Variants in RPS6KA1 observed in about 807,000 individuals in gnomAD.
RPS6KA1 encodes ribosomal protein S6 kinase A1.
In RPS6KA1, 48 loss-of-function variants were observed where a neutral mutation model predicts 91.3. The ratio of observed to expected loss-of-function variants is 0.53; its 90% CI spans 0.42 to 0.67. The LOEUF is 0.67. Ranked by LOEUF, RPS6KA1 falls within the 30% of genes least tolerant of loss-of-function variation. RPS6KA1 has a pLI of 0.00. For synonymous variants in RPS6KA1, 359 were observed against 384.7 expected (o/e 0.93, Z 0.78); for missense variants, 719 against 960.5 (o/e 0.75, Z 3.32).
At position 26,554,744 on chromosome 1, in the gene RPS6KA1, T is replaced by A; in HGVS notation, c.756+6T>A. 1.3e-6 allele frequency: 2 copies of A among 1,594,264 alleles called. No homozygotes were observed. The highest frequency in any genetic ancestry group is 8.6e-7 in the Non-Finnish European group (1 of 1,165,008). ...GGTCCTATGGGGTGTTGATGGTGAG[T>A]GCCCAGACAGGGGTAAAGGATCCAG... On this transcript the variant is annotated splice_donor_region_variant and intron_variant, in intron 9 of 21. Coordinates refer to ENST00000374168, the MANE Select transcript of RPS6KA1 (RefSeq NM_002953.4). The surrounding 1 kb of genome is among the most constrained non-coding windows in gnomAD (Gnocchi z 4.6).
At position 26,555,145 on chromosome 1, in the gene RPS6KA1, C is replaced by T; in HGVS notation, c.757-6C>T. The T allele has an allele frequency of 1.2e-6, 2 of 1,613,966 alleles. No homozygotes were observed. The highest frequency in any genetic ancestry group is 8.5e-7 in the Non-Finnish European group (1 of 1,179,852). ...CAGAGCCTGAATAGATCCTTGTCCT[C>T]TGCAGTTTGAGATGCTGACGGGCTC... On this transcript the variant is annotated splice_polypyrimidine_tract_variant and splice_region_variant and intron_variant, in intron 9 of 21. Coordinates refer to ENST00000374168, the MANE Select transcript of RPS6KA1 (RefSeq NM_002953.4). The surrounding 1 kb of genome is among the most constrained non-coding windows in gnomAD (Gnocchi z 4.3).
rs1204803135 is a variant in RPS6KA1 at position 26,540,894 on chromosome 1, G to A, written c.108+3925G>A. ...CAACCTCCGCCTCCTAGGTTCAAGCGATTCTCCTGCCTCAGCCTCCGTAGT... is the reference window on the plus strand; with the variant it reads ...CAACCTCCGCCTCCTAGGTTCAAGCAATTCTCCTGCCTCAGCCTCCGTAGT... On this transcript the variant is annotated intron_variant, in intron 2 of 21. Transcript: ENST00000374168. This position sits in a 1 kb window ranked among gnomAD's most constrained non-coding sequence, Gnocchi z 4.2. Among the ~76,000 whole-genome samples the A allele has an allele frequency of 5.9e-5, 9 of 152,272 alleles. No homozygotes were observed. The East Asian group carries it at 1.6e-3, about 26-fold the overall frequency.
At chr1:26,545,797 C>A in intron 2 of RPS6KA1, 1 of 1,395,390 alleles carries the variant, frequency 7.2e-7, no homozygotes. Context: ...GGGCCAGGCC[C>A]AGCCCCCGCC....
intron 21 of RPS6KA1, among the ~76,000 whole-genome samples, chr1:26,573,866 G>A (rs571511464): frequency 1.3e-5 from 2 of 152,012 alleles, no homozygotes; most frequent in South Asian, 4.2e-4. Flanking sequence ...TGAACCCTGG[G>A]GGCAGAGGTT....
Position 26,571,504 on chromosome 1 carries a change from A to T in RPS6KA1, c.1646A>T (p.Asn549Ile). 1 of 1,614,210 alleles carries T rather than the reference A, an allele frequency of 6.2e-7. No individual in the cohort carries two copies. Among genetic ancestry groups the T allele is most frequent in the South Asian group, 1.1e-5 (1 of 91,082 alleles). The change falls in exon 18 of 22, where the codon AAT (asparagine) becomes ATT (isoleucine). Residue 549 changes from asparagine (N) to isoleucine (I), a missense_variant. Transcript: ENST00000374168. The surrounding 1 kb of genome is among the most constrained non-coding windows in gnomAD (Gnocchi z 5.1). The stretch of plus-strand genomic sequence containing the variant: ...ATCCTGTATGTGGACGAGTCCGGGA[A>T]TCCCGAGTGCCTGCGCATCTGTGAC... ...SNILYVDESGNPECLRICDFG... is the reference protein window; with the variant it reads ...SNILYVDESGIPECLRICDFG...
intron 6 of RPS6KA1, chr1:26,552,756 G>T (rs1185448161): frequency 6.8e-6 from 2 of 295,392 alleles, no homozygotes; most frequent in Non-Finnish European, 1.4e-5. Flanking sequence ...CAAACTGCTG[G>T]CTGGGATTAT....
chr1:26,556,668 G>A lies in RPS6KA1; in HGVS notation c.931G>A (p.Gly311Arg). Residue 311 changes from glycine (G) to arginine (R), a missense_variant, in exon 12 of 22, where the codon GGG becomes AGG. Around this residue, in one of 5 missense-constraint regions of RPS6KA1, gnomAD observed 228 missense variants for 247.6 expected, o/e 0.92. Coordinates refer to ENST00000374168, the MANE Select transcript of RPS6KA1 (RefSeq NM_002953.4). ...PANRLGSGPD[G>R]AEEIKRHVFY... is the part of the protein sequence containing the mutation. Reference sequence around the variant, plus strand: ...GGCTCTTTCAGGCTCCGGCCCTGATGGGGCAGAGGAAATCAAGCGGCATGT... The same window carrying A: ...GGCTCTTTCAGGCTCCGGCCCTGATAGGGCAGAGGAAATCAAGCGGCATGT... The A allele has an allele frequency of 6.2e-7, 1 of 1,614,194 alleles. No homozygotes were observed. The highest frequency in any genetic ancestry group is 8.5e-7 in the Non-Finnish European group (1 of 1,180,016).
chr1:26,551,358 T>G lies in RPS6KA1; in HGVS notation c.308-39T>G. The stretch of plus-strand genomic sequence containing the variant: ...GGGGCTTGGGAGTGGCTGTGTTGAG[T>G]GTCTAGGCTACTGGTGACTTCCTTT... On this transcript the variant is annotated intron_variant, in intron 4 of 21. Transcript: ENST00000374168. This position sits in a 1 kb window ranked among gnomAD's most constrained non-coding sequence, Gnocchi z 4.5. 1.3e-6 allele frequency: 2 copies of G among 1,581,346 alleles called. No individual in the cohort carries two copies.
At chr1:26,552,817 G>A (rs1342000481) in intron 6 of RPS6KA1, 3 of 411,868 alleles carry the variant, frequency 7.3e-6, no homozygotes, top group Non-Finnish European at 1.5e-5. Context: ...TGTTTGAATA[G>A]GTAATATACA....
At chr1:26,565,527 C>G (rs1175219830) in intron 17 of RPS6KA1, among the ~76,000 whole-genome samples, 2 of 142,330 alleles carry the variant, frequency 1.4e-5, no homozygotes, top group Non-Finnish European at 3.0e-5. Context: ...TTATTTTGCC[C>G]GTTTTTGAAT....
At chr1:26,538,672 G>C (rs559816563) in intron 2 of RPS6KA1, among the ~76,000 whole-genome samples, 7 of 152,308 alleles carry the variant, frequency 4.6e-5, no homozygotes, top group Admixed American at 3.3e-4. Flanking sequence ...GAAAATTGAG[G>C]TTCAACATCA....
intron 17 of RPS6KA1, among the ~76,000 whole-genome samples, chr1:26,562,061 G>A (rs1020748383): frequency 3.9e-5 from 6 of 152,018 alleles, no homozygotes; most frequent in African/African-American, 1.4e-4. Context: ...AAAATTAGCC[G>A]GGTGTGGTGG....
intron 2 of RPS6KA1, among the ~76,000 whole-genome samples, chr1:26,538,724 A>G (rs576524733): frequency 6.6e-6 from 1 of 152,314 alleles, no homozygotes; most frequent in South Asian, 2.1e-4. Flanking sequence ...TTTGGCTTCA[A>G]GGTCATTCCT....
chr1:26,543,550 G>A (rs904487930), intron 2 of RPS6KA1, among the ~76,000 whole-genome samples: 2 of 152,204 alleles, frequency 1.3e-5, no homozygotes, highest in Non-Finnish European at 1.5e-5. Context: ...TCCTCCATCT[G>A]TCAGGAAGGG....
In RPS6KA1 at chr1:26,551,407, C is replaced by T. The variant is rs544357007; in HGVS notation, c.318C>T (p.Arg106=). 18 of 1,614,088 alleles carry T rather than the reference C, an allele frequency of 1.1e-5. No homozygotes were observed. Among genetic ancestry groups the T allele is most frequent in the Middle Eastern group, 1.6e-4 (1 of 6,062 alleles). The change falls in exon 5 of 22, where the codon CGC becomes CGT. Residue 106 remains arginine, a synonymous_variant. Transcript: ENST00000374168. The surrounding 1 kb of genome is among the most constrained non-coding windows in gnomAD (Gnocchi z 4.5). ...TTCTCGTCTGGCCAGTACGTGACCG[C>T]GTCCGGACCAAGATGGAGAGAGACA... The part of the protein sequence containing the change: ...LKKATLKVRD[R]VRTKMERDIL...
At chr1:26,567,812 C>T (rs1056583790) in intron 17 of RPS6KA1, among the ~76,000 whole-genome samples, 1 of 152,186 alleles carries the variant, frequency 6.6e-6, no homozygotes, top group Admixed American at 6.5e-5. Context: ...TATTCCTGTC[C>T]TTCTCTATAA....
intron 2 of RPS6KA1, among the ~76,000 whole-genome samples, chr1:26,539,745 T>A (rs1443355301): frequency 6.6e-6 from 1 of 152,202 alleles, no homozygotes; most frequent in Non-Finnish European, 1.5e-5. Flanking sequence ...ACTCTCTGGA[T>A]CCCCTCAGCA....
chr1:26,557,793 C>CCTCCT (rs2076116534), intron 13 of RPS6KA1, among the ~76,000 whole-genome samples: 1 of 128,890 alleles, frequency 7.8e-6, no homozygotes, highest in Non-Finnish European at 1.7e-5. Flanking sequence ...CCTCCCCTCC[C>CCTCCT]CTCCCCTCCC....
chr1:26,539,817 G>T (rs1220772355), intron 2 of RPS6KA1, among the ~76,000 whole-genome samples: 1 of 152,192 alleles, frequency 6.6e-6, no homozygotes, highest in Non-Finnish European at 1.5e-5. Context: ...TCCCTTCTGG[G>T]AGTGGACTGG....
Sources: gnomAD v4.1 joint callset for allele counts (sites outside exome capture counted in the v4.1 genomes callset) on GRCh38, gnomAD v4.1.1 for gene constraint, gnomAD v4.1.1 regional missense constraint, Gnocchi (gnomAD v3.1) non-coding constraint, MANE v1.5 for transcripts, NCBI Gene and HGNC (gene_info 2026-07-23, HGNC 2026-07-21) for gene names.